SUGCT: variants seen among roughly 807,000 people sequenced by gnomAD.
SUGCT encodes the protein succinyl-CoA:glutarate CoA-transferase.
SUGCT carries 41 observed loss-of-function variants against 55.0 expected under a neutral mutation model. That is an observed-to-expected ratio of 0.74 (90% CI 0.58 to 0.97). SUGCT has a LOEUF of 0.97. Ranked by LOEUF, SUGCT falls within the 50% of genes least tolerant of loss-of-function variation. The probability of loss-of-function intolerance (pLI) is 0.00; values close to 1 mark genes in which losing one functional copy is unlikely to be tolerated. For synonymous variants in SUGCT, 187 were observed against 200.4 expected (o/e 0.93, Z 0.56); for missense variants, 568 against 547.8 (o/e 1.04, Z -0.37).
At chr7:40,187,573 A>G (rs547565861) in intron 3 of SUGCT, among the ~76,000 whole-genome samples, 1 of 152,332 alleles carries the variant, frequency 6.6e-6, no homozygotes, top group Admixed American at 6.5e-5. Context: ...CAGTTAGATC[A>G]GGAAAGCCTG....
chr7:40,643,894 T>C (rs1800378153), intron 12 of SUGCT, among the ~76,000 whole-genome samples: 1 of 152,196 alleles, frequency 6.6e-6, no homozygotes, highest in African/African-American at 2.4e-5. Context: ...CTCAGCCCCC[T>C]GGGGCTTGCT....
At chr7:40,891,219 G>C in the SUGCT span, among the ~76,000 whole-genome samples, 1 of 152,100 alleles carries the variant, frequency 6.6e-6, no homozygotes, top group Non-Finnish European at 1.5e-5. Context: ...CAGAGAAAGA[G>C]AATGGAACAG....
intron 12 of SUGCT, among the ~76,000 whole-genome samples, chr7:40,749,219 G>A (rs751367188): frequency 2.6e-5 from 4 of 152,188 alleles, no homozygotes; most frequent in African/African-American, 4.8e-5. Flanking sequence ...TTTCTAGTCC[G>A]TGAATCCTCT....
chr7:40,578,508 C>A (rs79711516), intron 12 of SUGCT, among the ~76,000 whole-genome samples: 1 of 152,070 alleles, frequency 6.6e-6, no homozygotes, highest in Non-Finnish European at 1.5e-5. Context: ...CAAGCCTCAC[C>A]CCTCATTGGA....
In SUGCT at chr7:40,295,448, C is replaced by T. The variant is rs1200916056; in HGVS notation, c.720+20792C>T. ...AAAATTAGCTGGGCATGGTGGCGCACGCCTGTAATCCTAGCTACTGGGGTA... is the reference window on the plus strand; with the variant it reads ...AAAATTAGCTGGGCATGGTGGCGCATGCCTGTAATCCTAGCTACTGGGGTA... On this transcript the variant is annotated intron_variant, in intron 8 of 13. Transcript: ENST00000335693. Among the ~76,000 whole-genome samples, 13 of 152,198 alleles carry T rather than the reference C, an allele frequency of 8.5e-5. No homozygotes were observed. The South Asian group carries it at 2.1e-3, about 24-fold the overall frequency.
chr7:40,969,472 T>C, the SUGCT span, among the ~76,000 whole-genome samples: 1 of 152,176 alleles, frequency 6.6e-6, no homozygotes, highest in African/African-American at 2.4e-5. Context: ...GGGATCCTCT[T>C]GCCTTTGCCT....
chr7:40,695,895 G>A (rs1209878817), intron 12 of SUGCT, among the ~76,000 whole-genome samples: 1 of 152,170 alleles, frequency 6.6e-6, no homozygotes, highest in Non-Finnish European at 1.5e-5. Flanking sequence ...ACTTCATGGA[G>A]TTAAGAACCA....
chr7:40,929,494 G>A, the SUGCT span, among the ~76,000 whole-genome samples: 18 of 152,218 alleles, frequency 1.2e-4, no homozygotes, highest in African/African-American at 3.9e-4. Context: ...TTGAGGAATC[G>A]CCTCACTGTC....
intron 9 of SUGCT, among the ~76,000 whole-genome samples, chr7:40,361,455 T>C (rs1473068646): frequency 6.6e-6 from 1 of 151,866 alleles, no homozygotes; most frequent in Non-Finnish European, 1.5e-5. Context: ...GCACCTGTAG[T>C]CCCAGCTACT....
chr7:41,007,560 G>A, the SUGCT span, among the ~76,000 whole-genome samples: 1 of 152,114 alleles, frequency 6.6e-6, no homozygotes, highest in African/African-American at 2.4e-5. Context: ...TAATTTCTCT[G>A]CTCTGGAGAC....
At chr7:40,927,356 A>G in the SUGCT span, among the ~76,000 whole-genome samples, 1 of 152,118 alleles carries the variant, frequency 6.6e-6, no homozygotes, top group Non-Finnish European at 1.5e-5. Context: ...GTGGTACATG[A>G]ATATAGGTAT....
At chr7:40,331,971 T>A (rs1380840186) in intron 9 of SUGCT, among the ~76,000 whole-genome samples, 1 of 152,226 alleles carries the variant, frequency 6.6e-6, no homozygotes, top group African/African-American at 2.4e-5. Context: ...GATTTAAGCT[T>A]TATTTCTAAA....
chr7:40,394,064 T>C (rs1294650297), intron 9 of SUGCT, among the ~76,000 whole-genome samples: 1 of 152,194 alleles, frequency 6.6e-6, no homozygotes, highest in Non-Finnish European at 1.5e-5. Flanking sequence ...AACTTTATTC[T>C]TTGACTTTGG....
chr7:40,670,680 A>C (rs1372187153), intron 12 of SUGCT, among the ~76,000 whole-genome samples: 1 of 152,140 alleles, frequency 6.6e-6, no homozygotes, highest in Non-Finnish European at 1.5e-5. Context: ...CTTAGATGGA[A>C]TTGGCCTCCT....
intron 12 of SUGCT, among the ~76,000 whole-genome samples, chr7:40,578,467 A>G (rs938701991): frequency 3.9e-5 from 6 of 152,058 alleles, no homozygotes; most frequent in Non-Finnish European, 4.4e-5. Flanking sequence ...GGTGATTACA[A>G]TTAGAGGTTT....
chr7:40,836,607 C>T (rs1792992826), intron 13 of SUGCT, among the ~76,000 whole-genome samples: 1 of 152,164 alleles, frequency 6.6e-6, no homozygotes, highest in African/African-American at 2.4e-5. Context: ...ACCACCACTT[C>T]CCTCTCTCCC....
At chr7:40,870,122 A>G in the SUGCT span, among the ~76,000 whole-genome samples, 2 of 152,338 alleles carry the variant, frequency 1.3e-5, no homozygotes, top group Non-Finnish European at 2.9e-5. Context: ...CACACTCATG[A>G]TCATGTAAAA....
intron 12 of SUGCT, among the ~76,000 whole-genome samples, chr7:40,708,610 G>C (rs980106977): frequency 1.3e-5 from 2 of 152,028 alleles, no homozygotes; most frequent in African/African-American, 4.8e-5. Context: ...TGTGATCAGG[G>C]GCCTGGCTAC....
Position 40,316,973 on chromosome 7 carries a change from T to G in SUGCT, c.816+118T>G, listed in dbSNP as rs553888447. 1.0e-3 allele frequency: 536 copies of G among 529,856 alleles called. 3 individuals are homozygous for G. Among genetic ancestry groups the G allele is most frequent in the African/African-American group, 8.3e-3 (427 of 51,166 alleles). The allele number at this position is 529,856 out of a possible 1,614,324, so 32.8% of individuals were successfully genotyped here. On this transcript the variant is annotated intron_variant, in intron 9 of 13. Coordinates refer to ENST00000335693, the MANE Select transcript of SUGCT (RefSeq NM_001193313.2). ...TTCAGCTGTTTTTTTTTTTTTTTTT[T>G]GTAATGTATCTGTGTCTGGCTATAA...
Sources: allele counts gnomAD v4.1 joint callset (sites outside exome capture counted in the v4.1 genomes callset), GRCh38; gene constraint gnomAD v4.1.1; transcripts MANE v1.5; gene names NCBI Gene and HGNC (gene_info 2026-07-23, HGNC 2026-07-21).